The following IFIH1 variants were observed in gnomAD, a reference collection of about 807,000 sequenced individuals.
IFIH1 encodes interferon induced with helicase C domain 1.
Under a neutral mutation model 107.4 loss-of-function variants are expected in IFIH1, and 125 were observed. The ratio of observed to expected loss-of-function variants is 1.16; its 90% confidence interval spans 1.01 to 1.35. IFIH1 has a LOEUF of 1.35. Ranked by LOEUF, IFIH1 falls within the 40% of genes most tolerant of loss-of-function variation. The pLI, the probability that IFIH1 is intolerant of heterozygous loss-of-function variation, is 0.00. For missense variants in IFIH1, 1,333 were observed against 1,213.7 expected (o/e 1.10, Z -1.46); for synonymous variants, 458 against 413.2 (o/e 1.11, Z -1.31).
intron 2 of IFIH1, among the ~76,000 whole-genome samples, chr2:162,309,607 C>T (rs942900076): frequency 6.6e-6 from 1 of 152,190 alleles, no homozygotes; most frequent in African/African-American, 2.4e-5. Flanking sequence ...ATCTCTACTC[C>T]TACCTTCTGC....
At chr2:162,272,466 T>C in intron 12 of IFIH1, 79 bp from the exon 13 acceptor site, 1 of 1,238,882 alleles carries the variant, frequency 8.1e-7, no homozygotes. Context: ...GGAATGATAT[T>C]CTTGCTCAGA....
chr2:162,292,020 CA>C lies in IFIH1; in HGVS notation c.874+1543del, dbSNP rs1400094331. ...TTCAGACTTATCATGTGTTTCATGC[CA>C]CATTGAGGACTAAAAATCAGCAAAT... On this transcript the variant is annotated intron_variant, in intron 4 of 15. Transcript: ENST00000649979. Among the ~76,000 whole-genome samples the C allele has an allele frequency of 4.6e-5, 7 of 151,832 alleles. No homozygotes were observed. In the South Asian group the frequency reaches 1.2e-3, roughly 27 times the overall value.
intron 1 of IFIH1, among the ~76,000 whole-genome samples, chr2:162,314,330 G>A (rs538059653): frequency 1.3e-5 from 2 of 151,140 alleles, no homozygotes; most frequent in Non-Finnish European, 2.9e-5. Flanking sequence ...CTTGTATACA[G>A]TAGACATTCT....
At chr2:162,276,243 A>G (rs13388189) in intron 11 of IFIH1, among the ~76,000 whole-genome samples, 23,192 of 152,102 alleles carry the variant, frequency 0.15, 4,266 homozygotes, top group African/African-American at 0.42. Flanking sequence ...AAATGTATTC[A>G]TGGGTGGTGA....
chr2:162,318,104 C>T lies in IFIH1; in HGVS notation c.204G>A (p.Lys68=). The T allele has an allele frequency of 1.2e-6, 2 of 1,614,212 alleles. No homozygotes were observed. The highest frequency in any genetic ancestry group is 4.5e-5 in the East Asian group (2 of 44,878). ...AVELLLSTLE[K]GVWHLGWTRE... The stretch of plus-strand genomic sequence containing the variant: ...GAGTCCAACCAAGGTGCCAGACTCC[C>T]TTCTCCAAGGTGCTCAGCAGCAGTT... Residue 68 remains lysine (K), a synonymous_variant, in exon 1 of 16, where the codon AAG becomes AAA. Coordinates refer to ENST00000649979, the MANE Select transcript of IFIH1 (RefSeq NM_022168.4).
chr2:162,278,110 T>A, intron 9 of IFIH1, 95 bp downstream of exon 9: 1 of 1,053,632 alleles, frequency 9.5e-7, no homozygotes, highest in Non-Finnish European at 1.4e-6. Context: ...GGAACTACTT[T>A]TGCTTTCCAT....
chr2:162,302,578 G>A (rs988507565), intron 3 of IFIH1, among the ~76,000 whole-genome samples: 1 of 152,194 alleles, frequency 6.6e-6, no homozygotes, highest in Non-Finnish European at 1.5e-5. Flanking sequence ...TACCTTGATT[G>A]TTACTTCTGT....
At chr2:162,270,632 G>C (rs1437484790) in intron 13 of IFIH1, among the ~76,000 whole-genome samples, 1 of 152,106 alleles carries the variant, frequency 6.6e-6, no homozygotes, top group African/African-American at 2.4e-5. Flanking sequence ...TTATTCTAAA[G>C]AATGTCTGGA....
At chr2:162,301,755 T>C (rs535949263) in intron 3 of IFIH1, among the ~76,000 whole-genome samples, 33 of 152,308 alleles carry the variant, frequency 2.2e-4, no homozygotes, top group African/African-American at 7.7e-4. Context: ...GAAAGCAGGC[T>C]TAGTGTCTCT....
Position 162,281,356 on chromosome 2 carries a change from T to C in IFIH1, c.1496A>G (p.Gln499Arg). The change falls in exon 7 of 16, where the codon CAA becomes CGA. Residue 499 changes from glutamine (Q) to arginine (R), a missense_variant. Gln to Arg is a conservative substitution (Grantham distance 43). Transcript: ENST00000649979. ...TAAAATGTGTTCTTCAGCTTTGGCT[T>C]GCTTCGTGGCCCCTCCAACACCAGG... ...ASPGVGGATK[Q>R]AKAEEHILKL... is the part of the protein sequence containing the mutation. 1 of 1,612,582 alleles carries C rather than the reference T, an allele frequency of 6.2e-7. No individual in the cohort carries two copies. The highest frequency in any genetic ancestry group is 8.5e-7 in the Non-Finnish European group (1 of 1,179,012).
intron 3 of IFIH1, among the ~76,000 whole-genome samples, chr2:162,295,067 T>C (rs1400041480): frequency 1.3e-5 from 2 of 152,016 alleles, no homozygotes; most frequent in Non-Finnish European, 2.9e-5. Context: ...GACAAATGTA[T>C]ACAGTTTTGC....
chr2:162,314,271 A>G (rs1051559112), intron 1 of IFIH1, among the ~76,000 whole-genome samples: 8 of 152,082 alleles, frequency 5.3e-5, no homozygotes, highest in Admixed American at 3.9e-4. Flanking sequence ...ATAATGATTG[A>G]TAAAATGGCA....
At chr2:162,271,435 C>T (rs1425063689) in intron 13 of IFIH1, among the ~76,000 whole-genome samples, 1 of 136,552 alleles carries the variant, frequency 7.3e-6, no homozygotes, top group Non-Finnish European at 1.5e-5. Context: ...GGGCTGGGAA[C>T]ATTACACACC....
chr2:162,274,216 T>C (rs1201056229), intron 11 of IFIH1, among the ~76,000 whole-genome samples: 2 of 152,112 alleles, frequency 1.3e-5, no homozygotes, highest in African/African-American at 4.8e-5. Context: ...AGGAAATAAA[T>C]TGATGGGTGA....
At chr2:162,313,542 A>G (rs1330765155) in intron 1 of IFIH1, among the ~76,000 whole-genome samples, 1 of 152,240 alleles carries the variant, frequency 6.6e-6, no homozygotes, top group Non-Finnish European at 1.5e-5. Context: ...AAATCAGTGA[A>G]GAAACCAATG....
Position 162,267,773 on chromosome 2 carries a change from T to A in IFIH1, c.2808-204A>T, listed in dbSNP as rs532599512. Among the ~76,000 whole-genome samples the A allele has an allele frequency of 2.2e-3, 330 of 152,376 alleles. 4 individuals are homozygous for A. Among genetic ancestry groups the A allele is most frequent in the African/African-American group, 6.8e-3 (284 of 41,594 alleles). On this transcript the variant is annotated intron_variant, in intron 14 of 15. Transcript: ENST00000649979. ...CATACCTCTCAAGGGGCATGTTGCC[T>A]TTCATAACTTCTTTCAAGTCTGTTG... is the stretch of plus-strand genomic sequence containing the variant.
In IFIH1 at chr2:162,292,233, C is replaced by A. The variant is rs572121037; in HGVS notation, c.874+1331G>T. 4.0e-5 allele frequency among the ~76,000 whole-genome samples: 6 copies of A among 151,880 alleles called. No individual in the cohort carries two copies. The East Asian group carries it at 1.2e-3, about 30-fold the overall frequency. ...TTAGCTAGATTATCTATTTTGAGTT[C>A]TAGCATAGCATGTAATAGAAATGTT... is the stretch of plus-strand genomic sequence containing the variant. On this transcript the variant is annotated intron_variant, in intron 4 of 15. Transcript: ENST00000649979.
At chr2:162,288,401 A>G in intron 4 of IFIH1, 46 bp from the exon 5 acceptor site, 1 of 1,456,714 alleles carries the variant, frequency 6.9e-7, no homozygotes, top group Non-Finnish European at 9.6e-7. Context: ...CAACAAAATA[A>G]CAGAGCTTAG....
At chr2:162,299,627 T>C (rs1480902109) in intron 3 of IFIH1, among the ~76,000 whole-genome samples, 1 of 152,128 alleles carries the variant, frequency 6.6e-6, no homozygotes, top group Admixed American at 6.5e-5. Flanking sequence ...GATATATTCC[T>C]CTACCTAAGG....
Sources: gnomAD v4.1 joint callset for allele counts (sites outside exome capture counted in the v4.1 genomes callset) on GRCh38, gnomAD v4.1.1 for gene constraint, MANE v1.5 for transcripts, NCBI Gene and HGNC (gene_info 2026-07-23, HGNC 2026-07-21) for gene names.